The following EZH2 variants were observed in gnomAD, a reference collection of about 807,000 sequenced individuals.
The protein encoded by EZH2 is enhancer of zeste 2 polycomb repressive complex 2 subunit.
EZH2 carries 18 observed loss-of-function variants against 98.4 expected under a neutral mutation model. The ratio of observed to expected loss-of-function variants is 0.18; its 90% CI spans 0.13 to 0.27. The LOEUF is 0.27. Among genes scored for constraint, EZH2 ranks in the 10% least tolerant of loss-of-function variants. The probability of loss-of-function intolerance (pLI) is 1.00; values close to 1 mark genes in which losing one functional copy is unlikely to be tolerated. For missense variants in EZH2, 470 were observed against 935.1 expected, an observed-to-expected ratio of 0.50 and a Z score of 6.49; for synonymous variants, 338 against 312.3, an observed-to-expected ratio of 1.08 and a Z score of -0.87.
intron 10 of EZH2, 76 bp downstream of exon 10, chr7:148,817,801 A>G: frequency 1.3e-6 from 2 of 1,580,328 alleles, no homozygotes; most frequent in Non-Finnish European, 1.7e-6. Flanking sequence ...AAATTATTCA[A>G]TGCATTATAC....
chr7:148,816,007 C>G (rs371317948), intron 12 of EZH2, among the ~76,000 whole-genome samples: 1 of 152,142 alleles, frequency 6.6e-6, no homozygotes, highest in Non-Finnish European at 1.5e-5. Context: ...ATTGGGTTGG[C>G]CCTACACTTA....
chr7:148,839,673 T>C (rs1240425563), intron 3 of EZH2, among the ~76,000 whole-genome samples: 1 of 152,074 alleles, frequency 6.6e-6, no homozygotes, highest in Non-Finnish European at 1.5e-5. Context: ...GCCTCCCAAG[T>C]AGCTGGGACT....
chr7:148,848,240 T>C (rs997688761), intron 1 of EZH2, among the ~76,000 whole-genome samples: 2 of 152,248 alleles, frequency 1.3e-5, no homozygotes, highest in Admixed American at 1.3e-4. Flanking sequence ...AGTAAAAGGG[T>C]GTGCGGTGAG....
intron 15 of EZH2, among the ~76,000 whole-genome samples, chr7:148,813,061 A>ACACG (rs1253667288): frequency 1.6e-5 from 2 of 121,716 alleles, no homozygotes; most frequent in Admixed American, 8.3e-5. Context: ...ATACACACAC[A>ACACG]CACACACACA....
intron 1 of EZH2, among the ~76,000 whole-genome samples, chr7:148,882,130 GTT>G (rs1821097657): frequency 6.6e-6 from 1 of 151,720 alleles, no homozygotes; most frequent in Non-Finnish European, 1.5e-5. Context: ...TTACTTTTTT[GTT>G]ATAATGTCTC....
chr7:148,861,327 A>G (rs1437118982), intron 1 of EZH2, among the ~76,000 whole-genome samples: 1 of 151,780 alleles, frequency 6.6e-6, no homozygotes, highest in Non-Finnish European at 1.5e-5. Context: ...CCAGGGTTCA[A>G]GCGATTCTCC....
chr7:148,824,415 A>G (rs1023015384), intron 8 of EZH2, among the ~76,000 whole-genome samples: 2 of 152,060 alleles, frequency 1.3e-5, no homozygotes, highest in African/African-American at 4.8e-5. Context: ...TGGTACCATA[A>G]GATAATATTG....
rs777364681 is a variant in EZH2 at position 148,807,484 on chromosome 7, A to G, written c.*162T>C. The G allele has an allele frequency of 1.6e-6, 1 of 634,756 alleles. No homozygotes were observed. The highest frequency in any genetic ancestry group is 2.8e-6 in the Non-Finnish European group (1 of 359,026). The allele number at this position is 634,756 out of a possible 1,614,324, so 39.3% of individuals were successfully genotyped here. On this transcript the variant is annotated 3_prime_UTR_variant, in exon 20 of 20. Transcript: ENST00000320356. The stretch of plus-strand genomic sequence containing the variant: ...ACACTTTGCAGCTGGTGAGAAGGCA[A>G]TAAAAAGTTGATTTTTAAACTCATT...
intron 1 of EZH2, among the ~76,000 whole-genome samples, chr7:148,864,822 A>G (rs1818205657): frequency 1.3e-5 from 2 of 152,098 alleles, no homozygotes; most frequent in African/African-American, 4.8e-5. Flanking sequence ...TGGAGGAAAA[A>G]CGGAAAAAAA....
intron 15 of EZH2, among the ~76,000 whole-genome samples, chr7:148,812,704 G>T (rs1803427261): frequency 6.6e-6 from 1 of 151,036 alleles, no homozygotes; most frequent in Non-Finnish European, 1.5e-5. Flanking sequence ...TAAGTTGTTT[G>T]GGGGGGAAAT....
At chr7:148,810,711 G>A (rs1216413847) in intron 16 of EZH2, among the ~76,000 whole-genome samples, 2 of 152,152 alleles carry the variant, frequency 1.3e-5, no homozygotes, top group South Asian at 2.1e-4. Flanking sequence ...GCTCACGCCT[G>A]TAATCCCAGC....
intron 1 of EZH2, among the ~76,000 whole-genome samples, chr7:148,856,438 T>C (rs1270109087): frequency 6.6e-6 from 1 of 152,232 alleles, no homozygotes; most frequent in Non-Finnish European, 1.5e-5. Context: ...TGTATGCACA[T>C]GCAGGTTAGC....
intron 3 of EZH2, among the ~76,000 whole-genome samples, chr7:148,843,915 G>C (rs1041553649): frequency 1.1e-4 from 16 of 152,130 alleles, no homozygotes; most frequent in Admixed American, 4.6e-4. Context: ...ATAAGTTTAA[G>C]ACCTGACAAA....
chr7:148,855,056 A>G (rs1410305940), intron 1 of EZH2, among the ~76,000 whole-genome samples: 1 of 152,266 alleles, frequency 6.6e-6, no homozygotes, highest in African/African-American at 2.4e-5. Flanking sequence ...GGAATCCAGG[A>G]GAAGCAGGCA....
At chr7:148,819,562 G>A (rs1460839527) in intron 9 of EZH2, 34 bp downstream of exon 9, 1 of 1,573,452 alleles carries the variant, frequency 6.4e-7, no homozygotes, top group Non-Finnish European at 8.7e-7. Context: ...GTCCTCTCAA[G>A]TACCCTCTGC....
At chr7:148,837,676 A>C (rs764612933) in intron 3 of EZH2, among the ~76,000 whole-genome samples, 29 of 152,200 alleles carry the variant, frequency 1.9e-4, no homozygotes, top group Non-Finnish European at 4.0e-4. Flanking sequence ...AGAAGGCAAA[A>C]TAGGAGAAGG....
At chr7:148,849,089 G>A (rs1165789136) in intron 1 of EZH2, among the ~76,000 whole-genome samples, 4 of 152,146 alleles carry the variant, frequency 2.6e-5, no homozygotes, top group Non-Finnish European at 5.9e-5. Context: ...GACATGTTCA[G>A]TACAGATGCA....
chr7:148,881,985 CACACACACACACACAT>C (rs1469133764), intron 1 of EZH2, among the ~76,000 whole-genome samples: 2 of 149,942 alleles, frequency 1.3e-5, no homozygotes, highest in East Asian at 1.9e-4. Flanking sequence ...CACACACACA[CACACACACACACACAT>C]ATGTATCCTA....
chr7:148,883,487 A>C (rs1185776234), intron 1 of EZH2: 1 of 151,448 alleles, frequency 6.6e-6, no homozygotes, highest in Non-Finnish European at 1.5e-5. Flanking sequence ...AGCTACTCCG[A>C]GTTCCCCGCC....
Sources: allele counts gnomAD v4.1 joint callset (sites outside exome capture counted in the v4.1 genomes callset), GRCh38; gene constraint gnomAD v4.1.1; transcripts MANE v1.5; gene names NCBI Gene and HGNC (gene_info 2026-07-23, HGNC 2026-07-21).